Variants in RBFOX3 observed in about 807,000 individuals in gnomAD.
The protein encoded by RBFOX3 is RNA binding protein fox-1 homolog 3.
Under a neutral mutation model 48.7 loss-of-function variants are expected in RBFOX3, and 17 were observed. The ratio of observed to expected loss-of-function variants is 0.35; its 90% CI spans 0.24 to 0.52. The LOEUF (loss-of-function observed/expected upper bound fraction) is 0.52. Among genes scored for constraint, RBFOX3 ranks in the 20% least tolerant of loss-of-function variants. The pLI, the probability that RBFOX3 is intolerant of heterozygous loss-of-function variation, is 0.94. For synonymous variants in RBFOX3, 212 were observed against 209.5 expected, an observed-to-expected ratio of 1.01 and a Z score of -0.10; for missense variants, 382 against 497.5, an observed-to-expected ratio of 0.77 and a Z score of 2.21.
chr17:79,407,469 T>C (rs556515917), intron 2 of RBFOX3, among the ~76,000 whole-genome samples: 12 of 152,368 alleles, frequency 7.9e-5, no homozygotes, highest in Admixed American at 5.2e-4. Flanking sequence ...TTGTATGTGA[T>C]GTGTTTCCGC....
chr17:79,336,241 G>C (rs1409214706), intron 2 of RBFOX3, among the ~76,000 whole-genome samples: 2 of 152,010 alleles, frequency 1.3e-5, no homozygotes, highest in African/African-American at 4.8e-5. Flanking sequence ...ACAAAACTTA[G>C]CCGGGCATGG....
At chr17:79,612,751 T>C (rs1568455668), upstream of RBFOX3, among the ~76,000 whole-genome samples, 1 of 152,220 alleles carries the variant, frequency 6.6e-6, no homozygotes, top group Admixed American at 6.5e-5. Context: ...AAAGCCCTAA[T>C]TGGGCCTCTT....
intron 2 of RBFOX3, among the ~76,000 whole-genome samples, chr17:79,383,070 AC>A: frequency 6.6e-6 from 1 of 150,546 alleles, no homozygotes; most frequent in Middle Eastern, 3.4e-3. Context: ...ACACACACAC[AC>A]ACAGTGTGTA....
chr17:79,368,859 T>C (rs998349214), intron 2 of RBFOX3, among the ~76,000 whole-genome samples: 1 of 152,258 alleles, frequency 6.6e-6, no homozygotes, highest in African/African-American at 2.4e-5. Context: ...GATGCTTTTG[T>C]CTTTGTATCC....
At chr17:79,402,320 A>G (rs2062913276) in intron 2 of RBFOX3, among the ~76,000 whole-genome samples, 1 of 152,250 alleles carries the variant, frequency 6.6e-6, no homozygotes, top group South Asian at 2.1e-4. Context: ...TGATGGCTTA[A>G]TTATTTTTCT....
chr17:79,478,378 A>C (rs2149455794), intron 2 of RBFOX3, among the ~76,000 whole-genome samples: 1 of 152,228 alleles, frequency 6.6e-6, no homozygotes, highest in Non-Finnish European at 1.5e-5. Context: ...ACTCAGCCCC[A>C]TGGCGTGTGC....
rs2031258449 is a variant in RBFOX3 at position 79,111,150 on chromosome 17, C to G, written c.222+4344G>C. On this transcript the variant is annotated intron_variant, in intron 5 of 14. Coordinates refer to ENST00000693108, the MANE Select transcript of RBFOX3 (RefSeq NM_001350451.2). This position sits in a 1 kb window ranked among gnomAD's most constrained non-coding sequence, Gnocchi z 4.2. ...GACAGCAGAAAGGACAGAGGTTCATCCTGGGGCTGCAGGTCACTGGGCAGA... is the reference window on the plus strand; with the variant it reads ...GACAGCAGAAAGGACAGAGGTTCATGCTGGGGCTGCAGGTCACTGGGCAGA... 6.6e-6 allele frequency among the ~76,000 whole-genome samples: 1 copy of G among 152,230 alleles called. No homozygotes were observed. Among genetic ancestry groups the G allele is most frequent in the Non-Finnish European group, 1.5e-5 (1 of 68,038 alleles).
chr17:79,539,846 T>A (rs774559224), intron 1 of RBFOX3, among the ~76,000 whole-genome samples: 14 of 152,222 alleles, frequency 9.2e-5, no homozygotes, highest in Middle Eastern at 3.2e-3. Context: ...AATAAGAACA[T>A]GGCGCATGGT....
chr17:79,610,692 C>G (rs983149994), intron 1 of RBFOX3, among the ~76,000 whole-genome samples, 134 bp downstream of exon 1: 5 of 152,068 alleles, frequency 3.3e-5, no homozygotes, highest in Admixed American at 3.3e-4. Context: ...GGGTCAGCCC[C>G]GGCCGCGCTC....
intron 4 of RBFOX3, among the ~76,000 whole-genome samples, chr17:79,228,655 C>T (rs1341510253): frequency 6.6e-6 from 1 of 152,196 alleles, no homozygotes; most frequent in African/African-American, 2.4e-5. Context: ...ACAAGCAGTG[C>T]CCAGGCTGCA....
intron 1 of RBFOX3, among the ~76,000 whole-genome samples, chr17:79,568,141 C>T (rs2092538206): frequency 6.6e-6 from 1 of 152,166 alleles, no homozygotes; most frequent in African/African-American, 2.4e-5. Flanking sequence ...CCTGCCAGCC[C>T]CCAAGCTGGG....
intron 4 of RBFOX3, among the ~76,000 whole-genome samples, chr17:79,215,708 C>A (rs1481739482): frequency 1.3e-5 from 2 of 152,240 alleles, no homozygotes; most frequent in Non-Finnish European, 2.9e-5. Flanking sequence ...TGGACGTAGC[C>A]CAGCAGGAGC....
At chr17:79,113,195 C>T (rs527414369) in intron 5 of RBFOX3, among the ~76,000 whole-genome samples, 16 of 152,064 alleles carry the variant, frequency 1.1e-4, no homozygotes, top group South Asian at 6.2e-4. Flanking sequence ...GGGAGGCGTT[C>T]GGCCTTCAGC....
At chr17:79,602,832 G>A (rs1599269764) in intron 1 of RBFOX3, among the ~76,000 whole-genome samples, 1 of 152,164 alleles carries the variant, frequency 6.6e-6, no homozygotes, top group East Asian at 1.9e-4. Context: ...AGCCCGGGAA[G>A]GGCTGGGGGA....
At chr17:79,645,208 G>A in the RBFOX3 span, among the ~76,000 whole-genome samples, 11 of 152,072 alleles carry the variant, frequency 7.2e-5, no homozygotes, top group African/African-American at 2.2e-4. Context: ...TTCTTCTTTC[G>A]CTCATTCTTA....
In RBFOX3 at chr17:79,390,267, G is replaced by T. The variant is rs768511455; in HGVS notation, c.-174-82443C>A. ...ACACATCCCTCCGCCCCATCATCCTGCAATCCTTTAGCTGGCAGACACCAG... is the reference window on the plus strand; with the variant it reads ...ACACATCCCTCCGCCCCATCATCCTTCAATCCTTTAGCTGGCAGACACCAG... On this transcript the variant is annotated intron_variant, in intron 2 of 14. Coordinates refer to ENST00000693108, the MANE Select transcript of RBFOX3 (RefSeq NM_001350451.2). The surrounding 1 kb of genome is among the most constrained non-coding windows in gnomAD (Gnocchi z 4.2). Among the ~76,000 whole-genome samples, 7 of 152,210 alleles carry T rather than the reference G, an allele frequency of 4.6e-5. No homozygotes were observed. The highest frequency in any genetic ancestry group is 8.8e-5 in the Non-Finnish European group (6 of 68,028).
chr17:79,442,878 G>A (rs973529251), intron 2 of RBFOX3, among the ~76,000 whole-genome samples: 11 of 152,264 alleles, frequency 7.2e-5, no homozygotes, highest in South Asian at 2.1e-4. Flanking sequence ...AATCAGGTCC[G>A]TGCATGATTC....
chr17:79,548,132 T>C (rs2090708683), intron 1 of RBFOX3, among the ~76,000 whole-genome samples: 1 of 152,208 alleles, frequency 6.6e-6, no homozygotes. Context: ...CCTCGCCCAG[T>C]GCGGCACGGG....
At chr17:79,339,063 C>CTT (rs71365555) in intron 2 of RBFOX3, among the ~76,000 whole-genome samples, 6 of 146,558 alleles carry the variant, frequency 4.1e-5, no homozygotes, top group African/African-American at 1.5e-4. Context: ...CTTTTCTTTT[C>CTT]TTTTTTTTTT....
Sources: gnomAD v4.1 joint callset for allele counts (sites outside exome capture counted in the v4.1 genomes callset) on GRCh38, gnomAD v4.1.1 for gene constraint, Gnocchi (gnomAD v3.1) non-coding constraint, MANE v1.5 for transcripts, NCBI Gene and HGNC (gene_info 2026-07-23, HGNC 2026-07-21) for gene names.